Variants in NKAIN3 observed in about 807,000 individuals in gnomAD.
NKAIN3 encodes sodium/potassium transporting ATPase interacting 3.
Under a neutral mutation model 30.2 loss-of-function variants are expected in NKAIN3, and 25 were observed. The observed-to-expected ratio is 0.83, with a 90% confidence interval of 0.60 to 1.16. NKAIN3 has a LOEUF of 1.16. NKAIN3 is among the 50% of genes most tolerant of loss of function. NKAIN3 has a pLI of 0.00. For missense variants in NKAIN3, 225 were observed against 254.1 expected (o/e 0.89, Z 0.78); for synonymous variants, 91 against 89.6 (o/e 1.02, Z -0.09).
chr8:62,829,702 G>A (rs1819133993), intron 4 of NKAIN3, among the ~76,000 whole-genome samples: 1 of 151,298 alleles, frequency 6.6e-6, no homozygotes, highest in African/African-American at 2.4e-5. Context: ...AGATTAACAA[G>A]GCTAAATTTA....
At chr8:62,575,379 T>A (rs1207970578) in intron 1 of NKAIN3, among the ~76,000 whole-genome samples, 2 of 151,826 alleles carry the variant, frequency 1.3e-5, no homozygotes, top group Non-Finnish European at 2.9e-5. Flanking sequence ...TAGCTACAAA[T>A]AAAATTAAAT....
At chr8:62,576,838 C>G (rs1488414055) in intron 1 of NKAIN3, among the ~76,000 whole-genome samples, 2 of 152,050 alleles carry the variant, frequency 1.3e-5, no homozygotes, top group Non-Finnish European at 2.9e-5. Flanking sequence ...CATTTTCTGA[C>G]TTAACAAAGC....
intron 4 of NKAIN3, among the ~76,000 whole-genome samples, chr8:62,748,969 T>G: frequency 6.6e-6 from 1 of 152,146 alleles, no homozygotes; most frequent in East Asian, 1.9e-4. Flanking sequence ...TAAATTTTTG[T>G]CTTGAAAAAA....
intron 1 of NKAIN3, among the ~76,000 whole-genome samples, chr8:62,380,242 G>A (rs1817230830): frequency 1.3e-5 from 2 of 152,266 alleles, no homozygotes; most frequent in Admixed American, 6.5e-5. Flanking sequence ...TTAATAAATA[G>A]TTTGCATTTT....
At chr8:62,693,261 A>G (rs562956047) in intron 3 of NKAIN3, among the ~76,000 whole-genome samples, 4 of 152,354 alleles carry the variant, frequency 2.6e-5, no homozygotes, top group African/African-American at 7.2e-5. Flanking sequence ...CAAGTCATAT[A>G]TAAGTAAAAA....
intron 5 of NKAIN3, among the ~76,000 whole-genome samples, chr8:62,921,465 A>ATT (rs1454323614): frequency 6.6e-6 from 1 of 152,194 alleles, no homozygotes; most frequent in Non-Finnish European, 1.5e-5. Flanking sequence ...TTTCAGACAG[A>ATT]TATTTCCGAA....
At position 62,249,111 on chromosome 8, in the gene NKAIN3, T is replaced by C. The variant is rs1173288262; in HGVS notation, c.38T>C (p.Leu13Pro). The change falls in exon 1 of 7, where the codon CTC (leucine) becomes CCC (proline). Residue 13 changes from leucine to proline, a missense_variant. Leu to Pro is a moderately conservative substitution (Grantham distance 98, BLOSUM62 -3). Coordinates refer to ENST00000623646, the MANE Select transcript of NKAIN3 (RefSeq NM_001304533.3). ...CCTGRCSLICLCALQLVSALE... is the reference protein window; with the variant it reads ...CCTGRCSLICPCALQLVSALE... Reference sequence around the variant, plus strand: ...ACCGGACGCTGCTCGCTCATCTGCCTCTGCGCGCTGCAGTTGGTGAGTGCC... The same window carrying C: ...ACCGGACGCTGCTCGCTCATCTGCCCCTGCGCGCTGCAGTTGGTGAGTGCC... 13 of 1,538,596 alleles carry C rather than the reference T, an allele frequency of 8.4e-6. No individual in the cohort carries two copies.
intron 1 of NKAIN3, among the ~76,000 whole-genome samples, chr8:62,381,971 CCT>C (rs1246734589): frequency 6.6e-6 from 1 of 152,122 alleles, no homozygotes; most frequent in East Asian, 1.9e-4. Context: ...AAAGTAATGC[CCT>C]CTGTCTTTAG....
intron 1 of NKAIN3, among the ~76,000 whole-genome samples, chr8:62,351,637 C>A (rs1816182995): frequency 6.6e-6 from 1 of 151,832 alleles, no homozygotes; most frequent in Non-Finnish European, 1.5e-5. Flanking sequence ...CAAATTATAA[C>A]TTCACTACAC....
chr8:62,363,763 C>G (rs1311210687), intron 1 of NKAIN3, among the ~76,000 whole-genome samples: 2 of 152,152 alleles, frequency 1.3e-5, no homozygotes, highest in African/African-American at 4.8e-5. Context: ...GTCCAATAAG[C>G]TACCCCTTGA....
At chr8:62,872,072 G>C (rs1274298958) in intron 4 of NKAIN3, among the ~76,000 whole-genome samples, 3 of 152,128 alleles carry the variant, frequency 2.0e-5, no homozygotes, top group African/African-American at 7.2e-5. Context: ...TTACCATTGT[G>C]TTCCATCTGC....
At chr8:62,796,970 A>G (rs899820492) in intron 4 of NKAIN3, among the ~76,000 whole-genome samples, 3 of 152,206 alleles carry the variant, frequency 2.0e-5, no homozygotes, top group African/African-American at 7.2e-5. Flanking sequence ...TAACTTAAAG[A>G]CAGCATGAAG....
intron 3 of NKAIN3, among the ~76,000 whole-genome samples, chr8:62,591,929 C>T (rs751945478): frequency 7.9e-5 from 12 of 152,120 alleles, no homozygotes; most frequent in Non-Finnish European, 8.8e-5. Context: ...GGAAACTCCT[C>T]GTCCATATGA....
At chr8:62,630,220 C>T (rs187632727) in intron 3 of NKAIN3, among the ~76,000 whole-genome samples, 1 of 152,074 alleles carries the variant, frequency 6.6e-6, no homozygotes, top group East Asian at 1.9e-4. Context: ...CACTGCAGGT[C>T]GTGGAATGCA....
intron 1 of NKAIN3, among the ~76,000 whole-genome samples, chr8:62,294,554 C>T (rs916804512): frequency 6.6e-5 from 10 of 152,036 alleles, no homozygotes; most frequent in African/African-American, 2.2e-4. Context: ...CTCTTAAATA[C>T]TCCTATTTTT....
intron 1 of NKAIN3, among the ~76,000 whole-genome samples, chr8:62,329,618 G>A (rs1175718790): frequency 6.6e-6 from 1 of 152,038 alleles, no homozygotes; most frequent in East Asian, 1.9e-4. Flanking sequence ...TGTATTAGTC[G>A]CTTAGGATAA....
Position 62,745,626 on chromosome 8 carries a change from A to G in NKAIN3, c.274-1306A>G, listed in dbSNP as rs186331835. Among the ~76,000 whole-genome samples, 3 of 152,308 alleles carry G rather than the reference A, an allele frequency of 2.0e-5. No individual in the cohort carries two copies. In the East Asian group the frequency reaches 5.8e-4, roughly 29 times the overall value. The stretch of plus-strand genomic sequence containing the variant: ...TATGATCTTAGCCCTTCATACATTA[A>G]CACCCCAGAAATACTAAAGGGCATC... On this transcript the variant is annotated intron_variant, in intron 3 of 6. Transcript: ENST00000623646.
chr8:62,344,301 TG>T (rs1223669503), intron 1 of NKAIN3, among the ~76,000 whole-genome samples: 1 of 152,144 alleles, frequency 6.6e-6, no homozygotes, highest in Non-Finnish European at 1.5e-5. Flanking sequence ...TGTACATAAG[TG>T]CATTATGTAA....
chr8:62,341,976 A>G (rs1267367045), intron 1 of NKAIN3, among the ~76,000 whole-genome samples: 1 of 152,100 alleles, frequency 6.6e-6, no homozygotes, highest in Non-Finnish European at 1.5e-5. Flanking sequence ...TTGAAAGCTA[A>G]TAAACTATAA....
Sources: allele counts gnomAD v4.1 joint callset (sites outside exome capture counted in the v4.1 genomes callset), GRCh38; gene constraint gnomAD v4.1.1; transcripts MANE v1.5; gene names NCBI Gene and HGNC (gene_info 2026-07-23, HGNC 2026-07-21).